Variants in NPLOC4 observed in about 807,000 individuals in gnomAD.
NPLOC4 encodes the protein nuclear protein localization protein 4 homolog.
In NPLOC4, 18 loss-of-function variants were observed where a neutral mutation model predicts 80.6. The ratio of observed to expected loss-of-function variants is 0.22; its 90% CI spans 0.15 to 0.33. The LOEUF is 0.33. NPLOC4 is among the 10% of genes least tolerant of loss of function. The pLI is 1.00. For missense variants in NPLOC4, 540 were observed against 786.1 expected (o/e 0.69, Z 3.74); for synonymous variants, 313 against 301.5 (o/e 1.04, Z -0.39).
At chr17:81,628,421 G>A (rs1006515740) in intron 2 of NPLOC4, among the ~76,000 whole-genome samples, 1 of 151,696 alleles carries the variant, frequency 6.6e-6, no homozygotes, top group Admixed American at 6.6e-5. Flanking sequence ...GGCTTAGGCA[G>A]AGGATTGCTT....
At chr17:81,587,778 C>G (rs1308449173) in intron 12 of NPLOC4, among the ~76,000 whole-genome samples, 1 of 147,664 alleles carries the variant, frequency 6.8e-6, no homozygotes, top group Non-Finnish European at 1.5e-5. Flanking sequence ...ACGCCATTCT[C>G]CTGCCTCAGC....
Position 81,608,754 on chromosome 17 carries a change from G to T in NPLOC4, c.504C>A (p.Ile168=). The T allele has an allele frequency of 1.3e-6, 2 of 1,592,746 alleles. No individual in the cohort carries two copies. Among genetic ancestry groups the T allele is most frequent in the Non-Finnish European group, 1.7e-6 (2 of 1,169,294 alleles). The part of the protein sequence containing the change: ...PVKHMSFHAY[I]RKLTGGADKG... ...TGTCAGCCCCTCCAGTCAGCTTCCG[G>T]ATGTAGGCGTGGAAGGACATGTGCT... is the stretch of plus-strand genomic sequence containing the variant. Residue 168 remains isoleucine, a synonymous_variant, in exon 6 of 17, where the codon ATC becomes ATA. Transcript: ENST00000331134.
intron 16 of NPLOC4, chr17:81,563,654 A>AGGTATAATCTCAG (rs2033919401): frequency 3.9e-6 from 1 of 256,698 alleles, no homozygotes; most frequent in Non-Finnish European, 7.8e-6. Flanking sequence ...AGTGGCTCCC[A>AGGTATAATCTCAG]GGTATAATCT....
chr17:81,602,986 C>T (rs1238189947), intron 8 of NPLOC4, among the ~76,000 whole-genome samples: 2 of 72,824 alleles, frequency 2.7e-5, no homozygotes, highest in African/African-American at 4.4e-5. Context: ...CAAATACACA[C>T]ACACACACAC....
intron 16 of NPLOC4, chr17:81,565,086 C>T (rs2033969717): frequency 5.2e-6 from 3 of 573,520 alleles, no homozygotes; most frequent in Non-Finnish European, 3.1e-6. Flanking sequence ...CCAGCAACAA[C>T]ATGGATGCTG....
chr17:81,621,021 T>G (rs895114980), intron 3 of NPLOC4, among the ~76,000 whole-genome samples: 1 of 142,982 alleles, frequency 7.0e-6, no homozygotes, highest in Non-Finnish European at 1.5e-5. Flanking sequence ...AGATTCTGTC[T>G]CAAGAAAAGG....
intron 2 of NPLOC4, among the ~76,000 whole-genome samples, chr17:81,623,180 G>A (rs1227231166): frequency 6.6e-6 from 1 of 151,826 alleles, no homozygotes. Context: ...GGCAACAAGA[G>A]CAAAACTCTG....
rs185693965 is a variant in NPLOC4, at chr17:81,596,675, G to A, written c.994-433C>T. Among the ~76,000 whole-genome samples the A allele has an allele frequency of 5.9e-5, 9 of 152,254 alleles. No individual in the cohort carries two copies. In the East Asian group the frequency reaches 9.6e-4, roughly 16 times the overall value. ...CAATTCCTCATCTAAAACCACTCAC[G>A]ACTAGAAAGGCCAGAAGCACTATGC... On this transcript the variant is annotated intron_variant, in intron 10 of 16. Transcript: ENST00000331134.
chr17:81,634,970 G>A (rs901122840), intron 1 of NPLOC4, among the ~76,000 whole-genome samples: 3 of 152,126 alleles, frequency 2.0e-5, no homozygotes, highest in Non-Finnish European at 4.4e-5. Context: ...CCCCAAGGTA[G>A]GAGGATCCCT....
intron 3 of NPLOC4, among the ~76,000 whole-genome samples, chr17:81,618,465 C>A (rs1461197149): frequency 6.9e-6 from 1 of 145,690 alleles, no homozygotes; most frequent in Non-Finnish European, 1.5e-5. Flanking sequence ...GCCTGGCAGC[C>A]ACCCCGTCCG....
intron 1 of NPLOC4, among the ~76,000 whole-genome samples, chr17:81,631,264 G>C (rs1439444413): frequency 6.6e-6 from 1 of 151,566 alleles, no homozygotes; most frequent in Non-Finnish European, 1.5e-5. Flanking sequence ...AATATTTTCA[G>C]CTGGGCACAG....
In NPLOC4 at chr17:81,622,406, C is replaced by A. The variant is rs541000341; in HGVS notation, c.97-128G>T. 1.7e-5 allele frequency: 12 copies of A among 715,866 alleles called. No individual in the cohort carries two copies. The East Asian group carries it at 3.1e-4, about 19-fold the overall frequency. The allele number at this position is 715,866 out of a possible 1,614,324, so 44.3% of individuals were successfully genotyped here. ...AAAGTGCCCATCATTTACCAAATTC[C>A]TCTTGCTATTTTGCTCTTTTAAAGA... On this transcript the variant is annotated intron_variant, in intron 2 of 16. Transcript: ENST00000331134.
chr17:81,578,393 A>G (rs1030308785), intron 12 of NPLOC4, among the ~76,000 whole-genome samples: 3 of 152,218 alleles, frequency 2.0e-5, no homozygotes, highest in African/African-American at 7.2e-5. Context: ...AGGGACCATG[A>G]GGGACCTGCT....
At chr17:81,635,974 ATT>A (rs11375745) in intron 1 of NPLOC4, among the ~76,000 whole-genome samples, 13 of 141,626 alleles carry the variant, frequency 9.2e-5, no homozygotes, top group Admixed American at 7.0e-5. Flanking sequence ...GTGTGTGACA[ATT>A]TTTTTTTTTT....
Position 81,601,052 on chromosome 17 carries a change from T to G in NPLOC4, c.835-625A>C, listed in dbSNP as rs78141409. 5.3e-5 allele frequency among the ~76,000 whole-genome samples: 8 copies of G among 152,336 alleles called. No homozygotes were observed. The East Asian group carries it at 1.5e-3, about 29-fold the overall frequency. ...ACAGGGCAGTCGATGAGTTGTAGCT[T>G]CGACTGGCTCCCATGCAACTGAAAC... On this transcript the variant is annotated intron_variant, in intron 8 of 16. Coordinates refer to ENST00000331134, the MANE Select transcript of NPLOC4 (RefSeq NM_017921.4).
intron 2 of NPLOC4, 32 bp downstream of exon 2, chr17:81,629,693 A>G: frequency 6.7e-7 from 1 of 1,501,384 alleles, no homozygotes; most frequent in South Asian, 1.1e-5. Flanking sequence ...GATGAAAAAT[A>G]TCCTGAGGGT....
intron 1 of NPLOC4, among the ~76,000 whole-genome samples, chr17:81,635,047 A>G (rs377356784): frequency 1.3e-5 from 2 of 152,160 alleles, no homozygotes; most frequent in East Asian, 3.9e-4. Flanking sequence ...GTTTTTAATT[A>G]AAAAGATTTA....
Position 81,622,275 on chromosome 17 carries a change from C to A in NPLOC4, c.100G>T (p.Ala34Ser), listed in dbSNP as rs1286061305. 3 of 1,609,192 alleles carry A rather than the reference C, an allele frequency of 1.9e-6. No individual in the cohort carries two copies. The highest frequency in any genetic ancestry group is 2.6e-6 in the Non-Finnish European group (3 of 1,175,642). The change falls in exon 3 of 17, where the codon GCA (alanine) becomes TCA (serine). Residue 34 changes from alanine (A) to serine (S), a missense_variant. By Grantham distance (99) the Ala-to-Ser change is moderately conservative. Transcript: ENST00000331134. ...TTATTTTGGAAGCCAAACTCCTTTG[C>A]AACCTAAAACAAGGCCCAAAGAACA... ...ETAATFLKKV[A>S]KEFGFQNNGF...
At position 81,558,954 on chromosome 17, in the gene NPLOC4, C is replaced by T. The variant is rs963344254; in HGVS notation, c.*305G>A. ...CCCTGTGCGCCCCAATTCCAGGTGC[C>T]ACGTAGAGGCGAGAGGTCTTTCCAA... is the stretch of plus-strand genomic sequence containing the variant. On this transcript the variant is annotated 3_prime_UTR_variant, in exon 17 of 17. Coordinates refer to ENST00000331134, the MANE Select transcript of NPLOC4 (RefSeq NM_017921.4). 1.6e-4 allele frequency: 43 copies of T among 271,756 alleles called. No individual in the cohort carries two copies. In the East Asian group the frequency reaches 2.0e-3, roughly 13 times the overall value. 16.8% of individuals were successfully genotyped at this position (271,756 alleles called of 1,614,324 possible). A position where few individuals can be genotyped will look rare whatever the true frequency, so the allele number is the denominator to read the frequency against.
Sources: allele counts gnomAD v4.1 joint callset (sites outside exome capture counted in the v4.1 genomes callset), GRCh38; gene constraint gnomAD v4.1.1; transcripts MANE v1.5; gene names NCBI Gene and HGNC (gene_info 2026-07-23, HGNC 2026-07-21).